ADCY8: variants seen among roughly 807,000 people sequenced by gnomAD.
ADCY8 encodes the protein adenylate cyclase 8.
In ADCY8, 51 loss-of-function variants were observed where a neutral mutation model predicts 119.7. The ratio of observed to expected loss-of-function variants is 0.43; its 90% confidence interval spans 0.34 to 0.54. The LOEUF is 0.54. Ranked by LOEUF, ADCY8 falls within the 20% of genes least tolerant of loss-of-function variation. ADCY8 has a pLI of 0.03. For missense variants in ADCY8, 1,383 were observed against 1,598.8 expected (o/e 0.87, Z 2.30); for synonymous variants, 665 against 651.0 (o/e 1.02, Z -0.33).
chr8:130,915,412 A>T (rs540076567), intron 5 of ADCY8, among the ~76,000 whole-genome samples: 2 of 152,188 alleles, frequency 1.3e-5, no homozygotes, highest in African/African-American at 4.8e-5. Flanking sequence ...AGGAATCCCA[A>T]TGCTGTAGGG....
chr8:131,036,982 C>A (rs1824175981), intron 1 of ADCY8, among the ~76,000 whole-genome samples: 1 of 152,130 alleles, frequency 6.6e-6, no homozygotes, highest in Admixed American at 6.5e-5. Context: ...TGTTACCAGA[C>A]ATGGAAAACT....
At chr8:130,816,089 T>A (rs1816331428) in intron 13 of ADCY8, among the ~76,000 whole-genome samples, 1 of 152,234 alleles carries the variant, frequency 6.6e-6, no homozygotes, top group South Asian at 2.1e-4. Flanking sequence ...ACAGTTCAGA[T>A]AGCTTCTTTT....
chr8:130,800,383 C>T (rs746977870), intron 15 of ADCY8, 43 bp downstream of exon 15: 78 of 1,609,130 alleles, frequency 4.8e-5, no homozygotes, highest in Non-Finnish European at 5.9e-5. Flanking sequence ...GCTTTGACAA[C>T]GATGCCCATT....
chr8:130,857,596 C>T (rs1171717576), intron 9 of ADCY8, among the ~76,000 whole-genome samples: 1 of 152,118 alleles, frequency 6.6e-6, no homozygotes. Flanking sequence ...GAATCAAAGG[C>T]CTGACCAAAT....
chr8:130,845,733 G>A (rs1817276340), intron 11 of ADCY8, among the ~76,000 whole-genome samples: 1 of 152,142 alleles, frequency 6.6e-6, no homozygotes, highest in South Asian at 2.1e-4. Flanking sequence ...ATCCTGTCCT[G>A]CACATCCATT....
At chr8:131,018,429 A>G (rs1015913981) in intron 1 of ADCY8, among the ~76,000 whole-genome samples, 6 of 152,216 alleles carry the variant, frequency 3.9e-5, no homozygotes, top group African/African-American at 1.4e-4. Context: ...GGTTGGCCAC[A>G]CTACCCTCCC....
intron 1 of ADCY8, among the ~76,000 whole-genome samples, chr8:131,033,405 T>C (rs1319632526): frequency 6.6e-6 from 1 of 152,170 alleles, no homozygotes; most frequent in Non-Finnish European, 1.5e-5. Context: ...TCTTAAAATG[T>C]CATCAATCAT....
chr8:130,955,702 C>T (rs1332147866), intron 2 of ADCY8, among the ~76,000 whole-genome samples: 9 of 152,274 alleles, frequency 5.9e-5, no homozygotes, highest in South Asian at 2.1e-4. Context: ...AATTAAGAAA[C>T]TTTACAACTG....
chr8:130,934,559 A>G (rs1820729087), intron 5 of ADCY8, among the ~76,000 whole-genome samples: 1 of 152,214 alleles, frequency 6.6e-6, no homozygotes, highest in African/African-American at 2.4e-5. Context: ...TCCGAACCAT[A>G]TCGCAGTCCC....
At chr8:130,979,966 G>A (rs1230652531) in intron 2 of ADCY8, among the ~76,000 whole-genome samples, 2 of 152,166 alleles carry the variant, frequency 1.3e-5, no homozygotes, top group Non-Finnish European at 2.9e-5. Flanking sequence ...CAATAGAAAT[G>A]TATTCTCCTA....
At chr8:130,901,931 A>T (rs562291957) in intron 7 of ADCY8, among the ~76,000 whole-genome samples, 5 of 152,330 alleles carry the variant, frequency 3.3e-5, no homozygotes, top group African/African-American at 1.2e-4. Context: ...ATCAGGAAAT[A>T]TCTTTAGGAA....
At chr8:130,941,131 G>A (rs753587008) in intron 4 of ADCY8, among the ~76,000 whole-genome samples, 84 of 152,174 alleles carry the variant, frequency 5.5e-4, no homozygotes, top group Admixed American at 3.7e-3. Context: ...TTATCTAATT[G>A]TAATCACGTA....
At chr8:130,873,817 T>G (rs1818453694) in intron 8 of ADCY8, among the ~76,000 whole-genome samples, 1 of 152,164 alleles carries the variant, frequency 6.6e-6, no homozygotes, top group African/African-American at 2.4e-5. Flanking sequence ...CCCATTTCAT[T>G]TTTGGATAAA....
chr8:130,874,257 G>A (rs950871934), intron 8 of ADCY8, among the ~76,000 whole-genome samples: 2 of 151,834 alleles, frequency 1.3e-5, no homozygotes, highest in South Asian at 2.1e-4. Context: ...GCAGTGAGCC[G>A]AGATGGCACC....
chr8:130,886,660 C>T (rs1046904455), intron 7 of ADCY8, among the ~76,000 whole-genome samples: 1 of 152,078 alleles, frequency 6.6e-6, no homozygotes, highest in Non-Finnish European at 1.5e-5. Context: ...CTTGGGATGC[C>T]AGGGTGCCCT....
intron 7 of ADCY8, among the ~76,000 whole-genome samples, chr8:130,902,328 T>C (rs964346931): frequency 1.3e-5 from 2 of 152,172 alleles, no homozygotes; most frequent in African/African-American, 2.4e-5. Flanking sequence ...CATTATTTTA[T>C]AAAACAGCAA....
chr8:130,904,661 C>T (rs1819723182), intron 6 of ADCY8, among the ~76,000 whole-genome samples: 1 of 152,176 alleles, frequency 6.6e-6, no homozygotes, highest in Non-Finnish European at 1.5e-5. Flanking sequence ...AAGAACAAAG[C>T]TGTGGACATG....
rs758344450 is a variant in ADCY8, at chr8:130,780,842, C to T, written c.3304G>A (p.Gly1102Ser). 4.3e-6 allele frequency: 7 copies of T among 1,614,042 alleles called. No individual in the cohort carries two copies. The highest frequency in any genetic ancestry group is 2.2e-5 in the South Asian group (2 of 91,064). ...ATGTCATACTGTGGTTTCTTAGCGC[C>T]GATAACGCCAGCTACCACTGAGCCG... ...SHGSVVAGVIGAKKPQYDIWG... is the reference protein window; with the variant it reads ...SHGSVVAGVISAKKPQYDIWG... Residue 1102 changes from glycine to serine, a missense_variant, in exon 18 of 18, where the codon GGC becomes AGC. Physicochemically the swap from Gly to Ser is moderately conservative, Grantham distance 56. Around this residue, in one of 2 missense-constraint regions of ADCY8, gnomAD observed 928 missense variants for 1,163.5 expected, o/e 0.80. Transcript: ENST00000286355.
intron 17 of ADCY8, among the ~76,000 whole-genome samples, chr8:130,781,694 C>G (rs1251392767): frequency 1.3e-5 from 2 of 152,156 alleles, no homozygotes; most frequent in Middle Eastern, 3.2e-3. Context: ...GACTTTCCCC[C>G]TGCTTGTGCT....
Sources: gnomAD v4.1 joint callset for allele counts (sites outside exome capture counted in the v4.1 genomes callset) on GRCh38, gnomAD v4.1.1 for gene constraint, gnomAD v4.1.1 regional missense constraint, MANE v1.5 for transcripts, NCBI Gene and HGNC (gene_info 2026-07-23, HGNC 2026-07-21) for gene names.